The following TBC1D14 variants were observed in gnomAD, a reference collection of about 807,000 sequenced individuals.
The protein encoded by TBC1D14 is TBC1 domain family, member 14.
A neutral mutation model predicts 79.0 loss-of-function variants in TBC1D14; 26 were observed. That is an observed-to-expected ratio of 0.33 (90% CI 0.24 to 0.46). The LOEUF (loss-of-function observed/expected upper bound fraction) is 0.46. Ranked by LOEUF, TBC1D14 falls within the 20% of genes least tolerant of loss-of-function variation. TBC1D14 has a pLI of 1.00. For missense variants in TBC1D14, 769 were observed against 887.6 expected, an observed-to-expected ratio of 0.87 and a Z score of 1.70; for synonymous variants, 394 against 349.9, an observed-to-expected ratio of 1.13 and a Z score of -1.40.
chr4:6,975,036 C>A (rs1276062719), intron 3 of TBC1D14, among the ~76,000 whole-genome samples: 2 of 151,278 alleles, frequency 1.3e-5, no homozygotes, highest in African/African-American at 4.9e-5. Flanking sequence ...CTCAGCTTCC[C>A]AAGCAGCTGG....
intron 12 of TBC1D14, among the ~76,000 whole-genome samples, chr4:7,018,391 TC>T (rs549690003): frequency 4.5e-4 from 69 of 152,176 alleles, no homozygotes; most frequent in Non-Finnish European, 5.3e-4. Flanking sequence ...CAGAAAAATC[TC>T]CTGTCCTGCC....
intron 9 of TBC1D14, among the ~76,000 whole-genome samples, chr4:7,009,211 G>T (rs1284112642): frequency 1.3e-5 from 2 of 152,190 alleles, no homozygotes; most frequent in African/African-American, 4.8e-5. Flanking sequence ...CTGTCCTTTT[G>T]TTGTATCTTC....
At chr4:6,934,295 AG>A (rs1311021432) in intron 2 of TBC1D14, among the ~76,000 whole-genome samples, 2 of 151,736 alleles carry the variant, frequency 1.3e-5, no homozygotes, top group African/African-American at 4.8e-5. Context: ...GTGAGCTGGG[AG>A]GGCACGAGTG....
chr4:6,993,762 C>T (rs943868284), intron 3 of TBC1D14, among the ~76,000 whole-genome samples: 2 of 152,202 alleles, frequency 1.3e-5, no homozygotes, highest in African/African-American at 2.4e-5. Context: ...GTAATGTCAG[C>T]ACTTTGGGAG....
chr4:6,950,100 C>T (rs1045425954), intron 2 of TBC1D14, among the ~76,000 whole-genome samples: 3 of 152,090 alleles, frequency 2.0e-5, no homozygotes, highest in East Asian at 1.9e-4. Flanking sequence ...GTGTGATGTT[C>T]GCTCCCTGTG....
intron 2 of TBC1D14, among the ~76,000 whole-genome samples, chr4:6,965,251 G>A (rs1402451518): frequency 1.3e-5 from 2 of 151,972 alleles, no homozygotes; most frequent in East Asian, 3.9e-4. Context: ...TCCGCCTCCT[G>A]GGTTCAAGCG....
At chr4:6,968,813 G>A (rs1232771019) in intron 3 of TBC1D14, among the ~76,000 whole-genome samples, 3 of 152,240 alleles carry the variant, frequency 2.0e-5, no homozygotes, top group Non-Finnish European at 4.4e-5. Flanking sequence ...AAGGAGTGAT[G>A]GCATCACCCT....
At chr4:6,910,268 C>A (rs888171748) in intron 1 of TBC1D14, 1 of 152,188 alleles carries the variant, frequency 6.6e-6, no homozygotes, top group African/African-American at 2.4e-5. Flanking sequence ...CCTACTCCGA[C>A]GCGAGGCTCC....
chr4:6,918,956 G>C (rs1723612539), intron 1 of TBC1D14, among the ~76,000 whole-genome samples: 1 of 151,976 alleles, frequency 6.6e-6, no homozygotes, highest in Non-Finnish European at 1.5e-5. Context: ...CCCAAGCAGG[G>C]GACACACAGA....
intron 1 of TBC1D14, among the ~76,000 whole-genome samples, chr4:6,922,908 T>C (rs1255009872): frequency 2.0e-5 from 3 of 152,186 alleles, no homozygotes; most frequent in Non-Finnish European, 4.4e-5. Context: ...ATGTTAAAAC[T>C]CTAGCTTCTG....
At chr4:7,020,794 A>G (rs1577185188) in intron 12 of TBC1D14, among the ~76,000 whole-genome samples, 1 of 152,130 alleles carries the variant, frequency 6.6e-6, no homozygotes, top group African/African-American at 2.4e-5. Context: ...TCCGCCTCCC[A>G]GGCTCATGCA....
intron 3 of TBC1D14, among the ~76,000 whole-genome samples, chr4:6,989,619 C>T (rs535291039): frequency 4.9e-4 from 74 of 152,296 alleles, no homozygotes; most frequent in Non-Finnish European, 8.4e-4. Flanking sequence ...TCGTATTGCC[C>T]CTGTCGAGTG....
At chr4:7,014,132 G>A (rs976789085) in intron 11 of TBC1D14, among the ~76,000 whole-genome samples, 62 of 152,176 alleles carry the variant, frequency 4.1e-4, no homozygotes, top group Non-Finnish European at 7.5e-4. Context: ...AGCGGGACAG[G>A]CACAAATTCA....
intron 2 of TBC1D14, among the ~76,000 whole-genome samples, chr4:6,960,911 C>T (rs553868423): frequency 4.6e-5 from 7 of 152,186 alleles, no homozygotes; most frequent in Non-Finnish European, 8.8e-5. Flanking sequence ...GTGTCCAACG[C>T]GTACCTGACT....
Position 6,996,392 on chromosome 4 carries a change from C to G in TBC1D14, c.1030C>G (p.Gln344Glu), listed in dbSNP as rs753766356. Residue 344 changes from glutamine to glutamate, a missense_variant, in exon 5 of 14, where the codon CAG becomes GAG. Coordinates refer to ENST00000409757, the MANE Select transcript of TBC1D14 (RefSeq NM_020773.3). The stretch of plus-strand genomic sequence containing the variant: ...ACAGCAGTATGAAGAAATGGTGGTT[C>G]AGGCCAAAAAGCGAGGTAATGGGGT... ...HRQQYEEMVV[Q>E]AKKRELKEAQ... 3.1e-6 allele frequency: 5 copies of G among 1,613,418 alleles called. No individual in the cohort carries two copies. The highest frequency in any genetic ancestry group is 4.2e-6 in the Non-Finnish European group (5 of 1,179,648).
intron 3 of TBC1D14, among the ~76,000 whole-genome samples, chr4:6,969,793 A>G (rs1213162374): frequency 6.6e-6 from 1 of 151,686 alleles, no homozygotes; most frequent in Admixed American, 6.6e-5. Flanking sequence ...TGACTAGGCC[A>G]GTTCATTATG....
At chr4:6,994,076 C>T in intron 3 of TBC1D14, 108 bp from the exon 4 acceptor site, 1 of 969,366 alleles carries the variant, frequency 1.0e-6, no homozygotes, top group South Asian at 1.4e-5. Context: ...GCGAATTGTC[C>T]TCGAAATTGG....
At chr4:6,932,326 C>T (rs12646621) in intron 2 of TBC1D14, among the ~76,000 whole-genome samples, 84,133 of 150,402 alleles carry the variant, frequency 0.56, 23,645 homozygotes, top group East Asian at 0.67. Context: ...GAGCCAAGAT[C>T]GCCGCCACTG....
chr4:6,993,388 T>A (rs974104406), intron 3 of TBC1D14, among the ~76,000 whole-genome samples: 2 of 152,186 alleles, frequency 1.3e-5, no homozygotes, highest in African/African-American at 4.8e-5. Context: ...TCACCGGGTG[T>A]GAATGAGCTC....
Sources: gnomAD v4.1 joint callset for allele counts (sites outside exome capture counted in the v4.1 genomes callset) on GRCh38, gnomAD v4.1.1 for gene constraint, MANE v1.5 for transcripts, NCBI Gene and HGNC (gene_info 2026-07-23, HGNC 2026-07-21) for gene names.